CPNE1: variants seen among roughly 807,000 people sequenced by gnomAD.
CPNE1 encodes copine-1.
A neutral mutation model predicts 63.2 loss-of-function variants in CPNE1; 58 were observed. The observed-to-expected ratio is 0.92, with a 90% confidence interval of 0.74 to 1.14. The LOEUF (loss-of-function observed/expected upper bound fraction) is 1.14. CPNE1 is among the 50% of genes most tolerant of loss of function. The pLI is 0.00. For missense variants in CPNE1, 672 were observed against 661.7 expected, an observed-to-expected ratio of 1.02 and a Z score of -0.17; for synonymous variants, 237 against 249.0, an observed-to-expected ratio of 0.95 and a Z score of 0.45.
At chr20:35,663,596 G>A (rs575114538) in intron 1 of CPNE1, among the ~76,000 whole-genome samples, 3 of 152,276 alleles carry the variant, frequency 2.0e-5, no homozygotes, top group Non-Finnish European at 2.9e-5. Context: ...CTGGAGCCAA[G>A]GAGGGTTTTA....
chr20:35,627,876 G>A (rs1220642758), intron 13 of CPNE1, among the ~76,000 whole-genome samples: 1 of 152,128 alleles, frequency 6.6e-6, no homozygotes, highest in African/African-American at 2.4e-5. Flanking sequence ...CAGGCACAGT[G>A]GCATGTGCCT....
chr20:35,652,211 G>A (rs2033572162), intron 1 of CPNE1: 2 of 222,454 alleles, frequency 9.0e-6, no homozygotes, highest in Non-Finnish European at 1.8e-5. Flanking sequence ...ATCCCATATG[G>A]TATAAAACAA....
chr20:35,652,411 T>G (rs1029783009), intron 1 of CPNE1: 101 of 1,252,220 alleles, frequency 8.1e-5, no homozygotes, highest in Non-Finnish European at 1.1e-4. Context: ...GAAACCAAGC[T>G]ATATGCAATT....
chr20:35,659,923 C>T (rs946368192), intron 1 of CPNE1, among the ~76,000 whole-genome samples: 5 of 152,250 alleles, frequency 3.3e-5, no homozygotes, highest in Middle Eastern at 3.4e-3. Context: ...ATTAAGATTA[C>T]CTACGACTAC....
intron 1 of CPNE1, among the ~76,000 whole-genome samples, chr20:35,640,043 CCA>C (rs1239314581): frequency 1.3e-5 from 2 of 152,272 alleles, no homozygotes; most frequent in Admixed American, 1.3e-4. Context: ...GGCCTGGCTT[CCA>C]TTCTGAGGTC....
chr20:35,653,171 C>G, intron 1 of CPNE1: 1 of 1,613,534 alleles, frequency 6.2e-7, no homozygotes, highest in Non-Finnish European at 8.5e-7. Flanking sequence ...AATGGAGGCC[C>G]ATTATTGGCT....
chr20:35,626,138 A>G lies in CPNE1; in HGVS notation c.*103T>C. ...AGAAACAAGTATAAAAGTATCAAAA[A>G]ATACAAAGTGCTAGCACTGAGGAGA... On this transcript the variant is annotated 3_prime_UTR_variant, in exon 16 of 16. Coordinates refer to ENST00000397443, the MANE Select transcript of CPNE1 (RefSeq NM_152925.3). 1 of 1,229,140 alleles carries G rather than the reference A, an allele frequency of 8.1e-7. No homozygotes were observed. 76.1% of individuals were successfully genotyped at this position (1,229,140 alleles called of 1,614,324 possible).
intron 1 of CPNE1, among the ~76,000 whole-genome samples, chr20:35,641,873 T>C (rs2032830148): frequency 6.6e-6 from 1 of 152,210 alleles, no homozygotes; most frequent in African/African-American, 2.4e-5. Context: ...ATTCAAATAC[T>C]TGAGGCAAGT....
intron 15 of CPNE1, 25 bp from the exon 16 acceptor site, chr20:35,626,406 T>C: frequency 6.2e-7 from 1 of 1,612,830 alleles, no homozygotes. Context: ...GAAAAGTCAG[T>C]GGTGGCCCAG....
intron 1 of CPNE1, among the ~76,000 whole-genome samples, chr20:35,648,756 C>T (rs1376926171): frequency 6.6e-6 from 1 of 152,184 alleles, no homozygotes; most frequent in Non-Finnish European, 1.5e-5. Flanking sequence ...TTCCAAGTAT[C>T]CTCTTCTCTT....
rs185595411 is a variant in CPNE1 at position 35,634,569 on chromosome 20, G to T, written c.1-1646C>A. 8.9e-3 allele frequency among the ~76,000 whole-genome samples: 1,357 copies of T among 152,050 alleles called. 9 individuals carry two copies. The highest frequency in any genetic ancestry group is 0.014 in the Non-Finnish European group (966 of 67,996). On this transcript the variant is annotated intron_variant, in intron 1 of 15. Transcript: ENST00000397443. ...AGATCGCGCCACCGTACTCCAGCCT[G>T]GGCAACAAAGCTAGACTCCATTTCC...
intron 13 of CPNE1, among the ~76,000 whole-genome samples, 193 bp downstream of exon 13, chr20:35,630,246 G>A (rs979167669): frequency 1.8e-4 from 27 of 152,204 alleles, no homozygotes; most frequent in African/African-American, 6.5e-4. Flanking sequence ...AGTGAGCTAA[G>A]ATTGCGCCAC....
At chr20:35,653,195 C>A (rs1457618659) in intron 1 of CPNE1, 1 of 1,613,500 alleles carries the variant, frequency 6.2e-7, no homozygotes, top group Non-Finnish European at 8.5e-7. Context: ...TTTGATCCTA[C>A]AGTCAGGAAG....
At chr20:35,630,558 C>A (rs1319359239) in intron 12 of CPNE1, 68 bp from the exon 13 acceptor site, 1 of 1,564,512 alleles carries the variant, frequency 6.4e-7, no homozygotes, top group South Asian at 1.1e-5. Context: ...AGGACACTGG[C>A]GTGTGCCAAG....
intron 1 of CPNE1, among the ~76,000 whole-genome samples, chr20:35,634,032 T>A (rs1197718054): frequency 3.7e-5 from 5 of 134,344 alleles, no homozygotes; most frequent in African/African-American, 1.4e-4. Flanking sequence ...GAGGCCAAGG[T>A]GGGTGGATCA....
chr20:35,660,112 T>C (rs186354036), intron 1 of CPNE1, among the ~76,000 whole-genome samples: 1 of 152,370 alleles, frequency 6.6e-6, no homozygotes, highest in African/African-American at 2.4e-5. Flanking sequence ...GAGATGGTTT[T>C]ACCACAAAAA....
chr20:35,638,706 C>T (rs900803006), intron 1 of CPNE1, among the ~76,000 whole-genome samples: 7 of 152,280 alleles, frequency 4.6e-5, no homozygotes, highest in African/African-American at 1.7e-4. Flanking sequence ...TTCACAGCAG[C>T]TTTATTCACA....
intron 1 of CPNE1, among the ~76,000 whole-genome samples, chr20:35,656,230 T>C (rs1318189180): frequency 1.3e-5 from 2 of 152,196 alleles, no homozygotes; most frequent in Non-Finnish European, 2.9e-5. Flanking sequence ...AATAAAAATA[T>C]TTTTTGTTTT....
At chr20:35,626,449 A>C in intron 15 of CPNE1, 68 bp from the exon 16 acceptor site, 1 of 1,602,554 alleles carries the variant, frequency 6.2e-7, no homozygotes, top group Non-Finnish European at 8.5e-7. Flanking sequence ...TTCATGCTCA[A>C]GAACCCAACC....
Sources: gnomAD v4.1 joint callset for allele counts (sites outside exome capture counted in the v4.1 genomes callset) on GRCh38, gnomAD v4.1.1 for gene constraint, MANE v1.5 for transcripts, NCBI Gene and HGNC (gene_info 2026-07-23, HGNC 2026-07-21) for gene names.